The following ENOX1 variants were observed in gnomAD, a reference collection of about 807,000 sequenced individuals.
The protein encoded by ENOX1 is ecto-NOX disulfide-thiol exchanger 1, also known as candidate growth-related and time keeping constitutive hydroquinone (NADH) oxidase.
Under a neutral mutation model 82.5 loss-of-function variants are expected in ENOX1, and 42 were observed. The observed-to-expected ratio is 0.51, with a 90% CI of 0.40 to 0.66. The LOEUF (loss-of-function observed/expected upper bound fraction) is 0.66, where lower values mean the gene tolerates loss of function less well. Among genes scored for constraint, ENOX1 ranks in the 30% least tolerant of loss-of-function variants. The probability of loss-of-function intolerance (pLI) is 0.00; values close to 1 mark genes in which losing one functional copy is unlikely to be tolerated. For synonymous variants in ENOX1, 271 were observed against 282.2 expected (o/e 0.96, Z 0.40); for missense variants, 608 against 811.6 (o/e 0.75, Z 3.05).
chr13:43,268,240 A>G (rs572912022), intron 13 of ENOX1, among the ~76,000 whole-genome samples: 1 of 152,304 alleles, frequency 6.6e-6, no homozygotes, highest in African/African-American at 2.4e-5. Context: ...TTTGGAGCAA[A>G]TTTGGACCAA....
intron 2 of ENOX1, among the ~76,000 whole-genome samples, chr13:43,559,284 G>T (rs928225487): frequency 1.3e-5 from 2 of 152,134 alleles, no homozygotes; most frequent in Non-Finnish European, 2.9e-5. Flanking sequence ...CCAAACACAT[G>T]CATACTTATT....
intron 1 of ENOX1, among the ~76,000 whole-genome samples, chr13:43,695,560 G>A (rs1424113604): frequency 6.7e-6 from 1 of 149,512 alleles, no homozygotes; most frequent in African/African-American, 2.5e-5. Flanking sequence ...CAATTCTCCA[G>A]CCTCAGCCTC....
rs534157838 is a variant in ENOX1 at position 43,538,085 on chromosome 13, A to G, written c.-218-53933T>C. On this transcript the variant is annotated intron_variant, in intron 2 of 16. Transcript: ENST00000690772. Reference sequence around the variant, plus strand: ...CGCTAGCTGATCTCCCTCAGCCTGTACCAGGGTTCAACCCATCTGATCAGG... The same window carrying G: ...CGCTAGCTGATCTCCCTCAGCCTGTGCCAGGGTTCAACCCATCTGATCAGG... Among the ~76,000 whole-genome samples, 15 of 152,344 alleles carry G rather than the reference A, an allele frequency of 9.8e-5. No individual in the cohort carries two copies. In the East Asian group the frequency reaches 2.1e-3, roughly 22 times the overall value.
At chr13:43,693,319 A>C (rs2086466307) in intron 1 of ENOX1, among the ~76,000 whole-genome samples, 3 of 152,168 alleles carry the variant, frequency 2.0e-5, no homozygotes. Flanking sequence ...GACAAAAACC[A>C]ATGTTTGTGT....
intron 1 of ENOX1, among the ~76,000 whole-genome samples, chr13:43,726,860 G>A (rs1246488347): frequency 6.6e-6 from 1 of 151,904 alleles, no homozygotes; most frequent in Non-Finnish European, 1.5e-5. Context: ...TCGTGCCTCA[G>A]CCTCCCGAGG....
Position 43,236,715 on chromosome 13 carries a change from T to A in ENOX1, c.1635A>T (p.Ala545=). ...DSNEINVLTV[A]LVNQDRENNI... ...TGTTCTCTCGGTCTTGGTTGACTAA[T>A]GCAACTGTCAACACATTGATTTCCT... Residue 545 remains alanine (A), a synonymous_variant, in exon 15 of 17, where the codon GCA becomes GCT. Coordinates refer to ENST00000690772, the MANE Select transcript of ENOX1 (RefSeq NM_001347969.2). 6.3e-7 allele frequency: 1 copy of A among 1,584,514 alleles called. No individual in the cohort carries two copies.
intron 1 of ENOX1, among the ~76,000 whole-genome samples, chr13:43,703,345 G>A (rs2087029134): frequency 6.6e-6 from 1 of 152,122 alleles, no homozygotes. Flanking sequence ...CAACAATCTA[G>A]ATTTTCTCCC....
chr13:43,616,204 A>ATATATATATATATATATATATATT (rs1457149422), intron 2 of ENOX1, among the ~76,000 whole-genome samples: 5 of 15,292 alleles, frequency 3.3e-4, no homozygotes, highest in African/African-American at 2.3e-4. Flanking sequence ...ATATATATAT[A>ATATATATATATATATATATATATT]TTTTTTTTTT....
At chr13:43,220,904 T>C (rs1291293837) in intron 16 of ENOX1, among the ~76,000 whole-genome samples, 1 of 152,198 alleles carries the variant, frequency 6.6e-6, no homozygotes, top group Non-Finnish European at 1.5e-5. Flanking sequence ...CATCACCTGG[T>C]TATAGTCTGG....
At chr13:43,645,312 C>T (rs1175296627) in intron 2 of ENOX1, among the ~76,000 whole-genome samples, 1 of 152,054 alleles carries the variant, frequency 6.6e-6, no homozygotes, top group African/African-American at 2.4e-5. Flanking sequence ...CAGGTGCATG[C>T]CACGATGTCC....
intron 8 of ENOX1, among the ~76,000 whole-genome samples, chr13:43,347,967 C>T (rs1156993059): frequency 1.3e-5 from 2 of 152,190 alleles, no homozygotes; most frequent in African/African-American, 2.4e-5. Flanking sequence ...AATGTTAATG[C>T]ACCTGAGTTA....
At chr13:43,467,563 T>C (rs1209699873) in intron 3 of ENOX1, among the ~76,000 whole-genome samples, 1 of 152,106 alleles carries the variant, frequency 6.6e-6, no homozygotes, top group Non-Finnish European at 1.5e-5. Flanking sequence ...GGTATACTCT[T>C]TATCAAATAT....
chr13:43,254,769 C>T (rs1427862102), intron 14 of ENOX1, among the ~76,000 whole-genome samples: 1 of 152,112 alleles, frequency 6.6e-6, no homozygotes, highest in African/African-American at 2.4e-5. Context: ...TATATACTAA[C>T]AAATCGGAAC....
At chr13:43,348,964 A>G (rs1344663425) in intron 8 of ENOX1, among the ~76,000 whole-genome samples, 1 of 151,670 alleles carries the variant, frequency 6.6e-6, no homozygotes, top group Non-Finnish European at 1.5e-5. Flanking sequence ...TGCATAGTAT[A>G]TATAGTGTTC....
rs552083061 is a variant in ENOX1 at position 43,731,515 on chromosome 13, A to G, written c.-285+55137T>C. 3.2e-4 allele frequency among the ~76,000 whole-genome samples: 40 copies of G among 124,562 alleles called. No homozygotes were observed. The South Asian group carries it at 5.9e-3, about 18-fold the overall frequency. 81.7% of individuals were successfully genotyped at this position (124,562 alleles called of 152,430 possible). Reference sequence around the variant, plus strand: ...GCCAAGCTTTTTTAAGCTTGGTCCCAGTCCTGTTTTTGTTTTTTTTTTTCT... The same window carrying G: ...GCCAAGCTTTTTTAAGCTTGGTCCCGGTCCTGTTTTTGTTTTTTTTTTTCT... On this transcript the variant is annotated intron_variant, in intron 1 of 16. Coordinates refer to ENST00000690772, the MANE Select transcript of ENOX1 (RefSeq NM_001347969.2).
rs78442098 is a variant in ENOX1 at position 43,601,623 on chromosome 13, G to T, written c.-219+65856C>A. Among the ~76,000 whole-genome samples the T allele has an allele frequency of 7.7e-3, 1,166 of 152,212 alleles. 14 individuals are homozygous for T. The highest frequency in any genetic ancestry group is 0.026 in the African/African-American group (1,094 of 41,540). ...GAGGTAGAGAGAAAGAGAGATAGGG[G>T]TAGCAAGTTTATCCAAAGGGATAAT... is the stretch of plus-strand genomic sequence containing the variant. On this transcript the variant is annotated intron_variant, in intron 2 of 16. Coordinates refer to ENST00000690772, the MANE Select transcript of ENOX1 (RefSeq NM_001347969.2).
At chr13:43,319,457 T>C (rs2047688874) in intron 11 of ENOX1, among the ~76,000 whole-genome samples, 1 of 152,240 alleles carries the variant, frequency 6.6e-6, no homozygotes. Context: ...TGAAACATTT[T>C]GATTATTTTT....
intron 3 of ENOX1, among the ~76,000 whole-genome samples, chr13:43,433,186 T>A (rs987726338): frequency 2.0e-5 from 3 of 152,126 alleles, no homozygotes; most frequent in African/African-American, 7.2e-5. Context: ...TCATGCTGCA[T>A]CATAGCATGG....
chr13:43,468,182 T>C (rs1202400921), intron 3 of ENOX1, among the ~76,000 whole-genome samples: 1 of 113,208 alleles, frequency 8.8e-6, no homozygotes, highest in Non-Finnish European at 2.0e-5. Flanking sequence ...GATCATAAAT[T>C]CCTTTTTTTT....
Sources: gnomAD v4.1 joint callset for allele counts (sites outside exome capture counted in the v4.1 genomes callset) on GRCh38, gnomAD v4.1.1 for gene constraint, MANE v1.5 for transcripts, NCBI Gene and HGNC (gene_info 2026-07-23, HGNC 2026-07-21) for gene names.